FOXJ3: variants seen among roughly 807,000 people sequenced by gnomAD.
The protein encoded by FOXJ3 is forkhead box protein J3.
Under a neutral mutation model 76.1 loss-of-function variants are expected in FOXJ3, and 22 were observed. The ratio of observed to expected loss-of-function variants is 0.29; its 90% CI spans 0.21 to 0.41. FOXJ3 has a LOEUF of 0.41. FOXJ3 is among the 10% of genes least tolerant of loss of function. The pLI is 1.00. For synonymous variants in FOXJ3, 269 were observed against 261.2 expected (o/e 1.03, Z -0.29); for missense variants, 613 against 762.1 (o/e 0.80, Z 2.30).
intron 4 of FOXJ3, among the ~76,000 whole-genome samples, chr1:42,231,667 A>G (rs1024563344): frequency 6.6e-6 from 1 of 152,170 alleles, no homozygotes; most frequent in Non-Finnish European, 1.5e-5. Flanking sequence ...AGTACCTCTC[A>G]GCCGTTTCTA....
intron 4 of FOXJ3, among the ~76,000 whole-genome samples, chr1:42,231,823 TTAAG>T (rs1194402991): frequency 2.0e-5 from 3 of 152,316 alleles, no homozygotes; most frequent in Admixed American, 6.5e-5. Context: ...GTTTTATACT[TTAAG>T]TTTTAGGGGA....
chr1:42,280,203 T>C, intron 2 of FOXJ3: 1 of 498,766 alleles, frequency 2.0e-6, no homozygotes, highest in Non-Finnish European at 2.6e-6. Flanking sequence ...TAGGAGTATC[T>C]TGGGAGGGCA....
At chr1:42,204,507 C>T (rs555089315) in intron 6 of FOXJ3, among the ~76,000 whole-genome samples, 132 of 152,286 alleles carry the variant, frequency 8.7e-4, no homozygotes, top group Admixed American at 2.0e-3. Flanking sequence ...AGGTCTTCAT[C>T]ACCACTTAGA....
chr1:42,248,310 C>T (rs557051716), intron 4 of FOXJ3, among the ~76,000 whole-genome samples: 4 of 151,290 alleles, frequency 2.6e-5, no homozygotes, highest in African/African-American at 7.3e-5. Flanking sequence ...TGAGGTGGGC[C>T]GATCACGAGG....
At chr1:42,249,147 T>C (rs1253381728) in intron 4 of FOXJ3, among the ~76,000 whole-genome samples, 1 of 152,180 alleles carries the variant, frequency 6.6e-6, no homozygotes, top group African/African-American at 2.4e-5. Flanking sequence ...TTATAACTGA[T>C]GGGCATTTGG....
intron 2 of FOXJ3, among the ~76,000 whole-genome samples, chr1:42,300,874 G>C (rs577352818): frequency 6.6e-6 from 1 of 152,304 alleles, no homozygotes; most frequent in East Asian, 1.9e-4. Flanking sequence ...TTTCTGCTGA[G>C]AAGTTTGGTG....
intron 1 of FOXJ3, among the ~76,000 whole-genome samples, chr1:42,334,426 G>T (rs1309308024): frequency 6.6e-6 from 1 of 152,152 alleles, no homozygotes; most frequent in African/African-American, 2.4e-5. Flanking sequence ...GGGAGGGGGG[G>T]CGGGAGACAC....
chr1:42,319,067 A>C (rs1655283126), intron 1 of FOXJ3, among the ~76,000 whole-genome samples: 1 of 152,094 alleles, frequency 6.6e-6, no homozygotes, highest in Admixed American at 6.5e-5. Context: ...CCCATCTCTA[A>C]AAAAATACAA....
chr1:42,223,219 T>C (rs1338337458), intron 5 of FOXJ3, among the ~76,000 whole-genome samples: 1 of 152,200 alleles, frequency 6.6e-6, no homozygotes, highest in Non-Finnish European at 1.5e-5. Context: ...GAACCTCATT[T>C]ATGTATATAT....
intron 11 of FOXJ3, among the ~76,000 whole-genome samples, chr1:42,182,655 G>A (rs530020517): frequency 3.3e-5 from 5 of 152,186 alleles, no homozygotes; most frequent in South Asian, 2.1e-4. Flanking sequence ...GCACTACCAC[G>A]CCTGGCTAAT....
At chr1:42,333,177 C>A (rs1180847287) in intron 1 of FOXJ3, among the ~76,000 whole-genome samples, 1 of 151,930 alleles carries the variant, frequency 6.6e-6, no homozygotes, top group African/African-American at 2.4e-5. Flanking sequence ...AAAATATAAT[C>A]TAAAATCTAT....
intron 7 of FOXJ3, among the ~76,000 whole-genome samples, chr1:42,195,938 G>A (rs1327207040): frequency 4.6e-5 from 7 of 152,232 alleles, no homozygotes; most frequent in East Asian, 1.9e-4. Context: ...GTTTTGAGGC[G>A]AAAATTCTCA....
At chr1:42,265,217 G>C (rs1005910669) in intron 3 of FOXJ3, 28 bp from the exon 4 acceptor site, 1 of 1,297,672 alleles carries the variant, frequency 7.7e-7, no homozygotes. Flanking sequence ...AAGCCATAAG[G>C]TCAATAAAAT....
chr1:42,244,241 A>C (rs1317048041), intron 4 of FOXJ3, among the ~76,000 whole-genome samples: 3 of 152,252 alleles, frequency 2.0e-5, no homozygotes, highest in Non-Finnish European at 4.4e-5. Context: ...ATTTCAAATA[A>C]ACATCTAACA....
chr1:42,252,159 C>T (rs940034304), intron 4 of FOXJ3, among the ~76,000 whole-genome samples: 1 of 152,082 alleles, frequency 6.6e-6, no homozygotes, highest in African/African-American at 2.4e-5. Flanking sequence ...GGGAGGATTC[C>T]CTCTTTTCCT....
Position 42,189,383 on chromosome 1 carries a change from G to C in FOXJ3, c.1373C>G (p.Ala458Gly), listed in dbSNP as rs61753350. The C allele has an allele frequency of 9.9e-6, 16 of 1,611,344 alleles. No individual in the cohort carries two copies. The highest frequency in any genetic ancestry group is 1.4e-5 in the Non-Finnish European group (16 of 1,177,836). Residue 458 changes from alanine (A) to glycine (G), a missense_variant, in exon 10 of 13, where the codon GCG (alanine) becomes GGG (glycine). Physicochemically the swap from Ala to Gly is moderately conservative, Grantham distance 60. This residue lies in a region of FOXJ3 where 526 missense variants were observed against 601.4 expected (regional missense o/e 0.87). Transcript: ENST00000361346. ...GCTTTCTTTTAGCATATCAAGTGTC[G>C]CATACCAATCATTTGAAACACCTAT... Reference protein sequence around the residue: ...CNSGVSNDWYATLDMLKESCR... With the variant: ...CNSGVSNDWYGTLDMLKESCR...
intron 6 of FOXJ3, among the ~76,000 whole-genome samples, chr1:42,200,786 A>G (rs1476380408): frequency 6.6e-6 from 1 of 151,990 alleles, no homozygotes; most frequent in Admixed American, 6.6e-5. Context: ...CCTGGCCTTC[A>G]ATATTTCCTT....
chr1:42,251,993 A>C (rs917024219), intron 4 of FOXJ3, among the ~76,000 whole-genome samples: 22 of 152,194 alleles, frequency 1.4e-4, no homozygotes, highest in Admixed American at 3.9e-4. Context: ...CTGGGATTAC[A>C]GGCGTGAGCC....
At chr1:42,324,423 CTG>C (rs1655707777) in intron 1 of FOXJ3, among the ~76,000 whole-genome samples, 1 of 145,650 alleles carries the variant, frequency 6.9e-6, no homozygotes, top group South Asian at 2.1e-4. Flanking sequence ...ATATAAATCA[CTG>C]TTTTAGACAA....
Sources: gnomAD v4.1 joint callset for allele counts (sites outside exome capture counted in the v4.1 genomes callset) on GRCh38, gnomAD v4.1.1 for gene constraint, gnomAD v4.1.1 regional missense constraint, MANE v1.5 for transcripts, NCBI Gene and HGNC (gene_info 2026-07-23, HGNC 2026-07-21) for gene names.